The following CNTNAP5 variants were observed in gnomAD, a reference collection of about 807,000 sequenced individuals.
CNTNAP5 encodes the protein contactin-associated protein-like 5.
A neutral mutation model predicts 150.2 loss-of-function variants in CNTNAP5; 72 were observed. The ratio of observed to expected loss-of-function variants is 0.48; its 90% CI spans 0.40 to 0.58. CNTNAP5 has a LOEUF of 0.58. CNTNAP5 is among the 20% of genes least tolerant of loss of function. The probability of loss-of-function intolerance (pLI) is 0.00; values close to 1 mark genes in which losing one functional copy is unlikely to be tolerated. For missense variants in CNTNAP5, 1,636 were observed against 1,626.2 expected, an observed-to-expected ratio of 1.01 and a Z score of -0.10; for synonymous variants, 672 against 619.8, an observed-to-expected ratio of 1.08 and a Z score of -1.25.
chr2:124,655,071 C>T (rs898599159), intron 13 of CNTNAP5, among the ~76,000 whole-genome samples: 1 of 151,932 alleles, frequency 6.6e-6, no homozygotes, highest in Non-Finnish European at 1.5e-5. Context: ...TGTTTTTCTG[C>T]ACCTATCAAC....
At chr2:124,738,329 A>G (rs1184596708) in intron 13 of CNTNAP5, among the ~76,000 whole-genome samples, 1 of 152,154 alleles carries the variant, frequency 6.6e-6, no homozygotes, top group Non-Finnish European at 1.5e-5. Context: ...TCCAATGCTG[A>G]GTTGTTCCTT....
intron 3 of CNTNAP5, among the ~76,000 whole-genome samples, chr2:124,282,763 G>T (rs934163636): frequency 3.9e-5 from 6 of 152,016 alleles, no homozygotes; most frequent in Non-Finnish European, 7.4e-5. Context: ...AGAAAGCTGG[G>T]GCTCTGAAAG....
At chr2:124,760,698 C>T (rs1327843690) in intron 14 of CNTNAP5, among the ~76,000 whole-genome samples, 1 of 152,094 alleles carries the variant, frequency 6.6e-6, no homozygotes, top group Non-Finnish European at 1.5e-5. Context: ...CTGCTCTGCT[C>T]ATGCATTCCT....
At chr2:124,267,735 G>A (rs568119840) in intron 3 of CNTNAP5, among the ~76,000 whole-genome samples, 1 of 152,126 alleles carries the variant, frequency 6.6e-6, no homozygotes, top group Non-Finnish European at 1.5e-5. Flanking sequence ...TGCAGCTTTG[G>A]ATAATATAAA....
At chr2:124,470,437 A>G (rs1367588293) in intron 6 of CNTNAP5, among the ~76,000 whole-genome samples, 5 of 151,796 alleles carry the variant, frequency 3.3e-5, no homozygotes. Context: ...TAGTAAATTT[A>G]TTTAAGTTTC....
intron 1 of CNTNAP5, among the ~76,000 whole-genome samples, chr2:124,042,894 C>A (rs535160865): frequency 6.6e-6 from 1 of 151,912 alleles, no homozygotes; most frequent in African/African-American, 2.4e-5. Context: ...TTGGAGGTGA[C>A]GTAACTACGT....
At chr2:124,408,936 C>G (rs202048562) in intron 3 of CNTNAP5, among the ~76,000 whole-genome samples, 24 of 150,256 alleles carry the variant, frequency 1.6e-4, no homozygotes, top group South Asian at 6.5e-4. Context: ...TCAAATTACT[C>G]TGAGCTATGG....
Position 124,485,353 on chromosome 2 carries a change from C to T in CNTNAP5, c.1062+10471C>T, listed in dbSNP as rs111727415. ...TACCGGCCGGGCACGGTGGCTCACG[C>T]CTGTAATCCCAGCACTTTGGGAGGC... is the stretch of plus-strand genomic sequence containing the variant. On this transcript the variant is annotated intron_variant, in intron 7 of 23. Transcript: ENST00000682447. Among the ~76,000 whole-genome samples, 63 of 152,172 alleles carry T rather than the reference C, an allele frequency of 4.1e-4. 2 individuals are homozygous for T. The highest frequency in any genetic ancestry group is 1.5e-3 in the African/African-American group (61 of 41,514).
At chr2:124,848,475 G>A (rs556135962) in intron 19 of CNTNAP5, among the ~76,000 whole-genome samples, 20 of 152,248 alleles carry the variant, frequency 1.3e-4, no homozygotes, top group African/African-American at 4.1e-4. Flanking sequence ...TACATGAGGT[G>A]CAAATATCTC....
At chr2:124,598,751 C>A (rs867148250) in intron 11 of CNTNAP5, among the ~76,000 whole-genome samples, 1 of 152,164 alleles carries the variant, frequency 6.6e-6, no homozygotes, top group African/African-American at 2.4e-5. Context: ...GCCTCGCTGC[C>A]GCCTTGCAGT....
chr2:124,157,460 A>G (rs1452541475), intron 1 of CNTNAP5, among the ~76,000 whole-genome samples: 1 of 152,146 alleles, frequency 6.6e-6, no homozygotes, highest in Non-Finnish European at 1.5e-5. Flanking sequence ...TCGGTTTCCT[A>G]GTTTTCCCAC....
At chr2:124,720,339 T>G (rs1680023965) in intron 13 of CNTNAP5, among the ~76,000 whole-genome samples, 1 of 152,184 alleles carries the variant, frequency 6.6e-6, no homozygotes, top group Non-Finnish European at 1.5e-5. Context: ...AAAAATCTAG[T>G]GGCTTCCCCC....
At chr2:124,050,076 T>C (rs938267891) in intron 1 of CNTNAP5, among the ~76,000 whole-genome samples, 1 of 152,160 alleles carries the variant, frequency 6.6e-6, no homozygotes, top group African/African-American at 2.4e-5. Context: ...TACACAAATA[T>C]TCAAACCATA....
intron 3 of CNTNAP5, among the ~76,000 whole-genome samples, chr2:124,279,962 CTAATA>C (rs1447938863): frequency 6.6e-6 from 1 of 151,952 alleles, no homozygotes; most frequent in Non-Finnish European, 1.5e-5. Flanking sequence ...TTTCGTCCTC[CTAATA>C]TTTTTCTTTA....
intron 1 of CNTNAP5, among the ~76,000 whole-genome samples, chr2:124,221,203 CA>C (rs1686300854): frequency 6.6e-6 from 1 of 152,110 alleles, no homozygotes; most frequent in Non-Finnish European, 1.5e-5. Context: ...AAGACTTTCA[CA>C]CAACTGGGAA....
chr2:124,193,391 T>C (rs1685504145), intron 1 of CNTNAP5, among the ~76,000 whole-genome samples: 1 of 152,222 alleles, frequency 6.6e-6, no homozygotes, highest in African/African-American at 2.4e-5. Context: ...AATTAGTATT[T>C]TTCAGGGCAG....
chr2:124,178,645 A>T (rs1685125878), intron 1 of CNTNAP5, among the ~76,000 whole-genome samples: 1 of 152,242 alleles, frequency 6.6e-6, no homozygotes, highest in Non-Finnish European at 1.5e-5. Context: ...CTTTGATCTC[A>T]GTTCCTCAGA....
chr2:124,489,109 A>T (rs1237688279), intron 7 of CNTNAP5, among the ~76,000 whole-genome samples: 3 of 152,242 alleles, frequency 2.0e-5, no homozygotes, highest in Admixed American at 2.0e-4. Context: ...ATTGAGAATT[A>T]TGTCCTCTGG....
At chr2:124,629,844 T>C (rs1042455907) in intron 12 of CNTNAP5, among the ~76,000 whole-genome samples, 1 of 114,116 alleles carries the variant, frequency 8.8e-6, no homozygotes, top group African/African-American at 3.2e-5. Context: ...AGAGAGAAGA[T>C]TCAAATAAAC....
Sources: allele counts gnomAD v4.1 joint callset (sites outside exome capture counted in the v4.1 genomes callset), GRCh38; gene constraint gnomAD v4.1.1; transcripts MANE v1.5; gene names NCBI Gene and HGNC (gene_info 2026-07-23, HGNC 2026-07-21).